The following SPATA1 variants were observed in gnomAD, a reference collection of about 807,000 sequenced individuals.
SPATA1 encodes the protein spermatogenesis-associated protein 1.
A neutral mutation model predicts 59.6 loss-of-function variants in SPATA1; 57 were observed. The ratio of observed to expected loss-of-function variants is 0.96; its 90% CI spans 0.77 to 1.19. SPATA1 has a LOEUF of 1.19. Ranked by LOEUF, SPATA1 falls within the 50% of genes most tolerant of loss-of-function variation. The probability of loss-of-function intolerance (pLI) is 0.00; values close to 1 mark genes in which losing one functional copy is unlikely to be tolerated. For synonymous variants in SPATA1, 147 were observed against 163.9 expected, an observed-to-expected ratio of 0.90 and a Z score of 0.79; for missense variants, 448 against 480.7, an observed-to-expected ratio of 0.93 and a Z score of 0.64.
At chr1:84,519,455 T>A (rs1184877174) in intron 2 of SPATA1, among the ~76,000 whole-genome samples, 4 of 152,050 alleles carry the variant, frequency 2.6e-5, no homozygotes, top group Non-Finnish European at 5.9e-5. Context: ...ATGTCTTTTT[T>A]AAGAAGCATA....
At chr1:84,544,138 C>A in intron 8 of SPATA1, 64 bp from the exon 9 acceptor site, 1 of 1,078,944 alleles carries the variant, frequency 9.3e-7, no homozygotes, top group Non-Finnish European at 1.4e-6. Context: ...CAAATACCTA[C>A]GGGCAAGTGA....
At chr1:84,557,622 G>T (rs1381417861), downstream of SPATA1, among the ~76,000 whole-genome samples, 1 of 150,312 alleles carries the variant, frequency 6.7e-6, no homozygotes, top group Non-Finnish European at 1.5e-5. Flanking sequence ...TTGGGAGGCC[G>T]AGATGGGCAG....
intron 8 of SPATA1, among the ~76,000 whole-genome samples, chr1:84,542,126 A>G (rs6576715): frequency 0.46 from 69,149 of 151,650 alleles, 17,692 homozygotes; most frequent in African/African-American, 0.7. Flanking sequence ...ACCACACCCG[A>G]CTAAGTTTTG....
At position 84,520,685 on chromosome 1, in the gene SPATA1, TTCTAAGGCAA is replaced by T. The variant is rs751407508; in HGVS notation, c.138_143+4del. 1.3e-6 allele frequency: 2 copies of T among 1,553,296 alleles called. No homozygotes were observed. The highest frequency in any genetic ancestry group is 2.4e-5 in the South Asian group (2 of 82,130). On this transcript the variant is annotated splice_donor_variant and splice_donor_region_variant and coding_sequence_variant and intron_variant, in exon 3 of 13. Transcript: ENST00000490879. LOFTEE classifies it high-confidence loss of function. ...GTTAACAAATTCATTTCAGCTGGAT[TTCTAAGGCAA>T]GTGTTGTGTAGTCATGTAACAATAT...
At chr1:84,533,900 T>G in intron 8 of SPATA1, 134 bp downstream of exon 8, 2 of 553,736 alleles carry the variant, frequency 3.6e-6, no homozygotes, top group East Asian at 3.4e-5. Context: ...TAATCAATAG[T>G]AGTCCAATTT....
At chr1:84,540,650 A>C (rs1011725917) in intron 8 of SPATA1, among the ~76,000 whole-genome samples, 1 of 152,196 alleles carries the variant, frequency 6.6e-6, no homozygotes, top group Non-Finnish European at 1.5e-5. Context: ...TTCAACACTT[A>C]ACTGCCAATT....
chr1:84,562,302 C>A lies in SPATA1; in HGVS notation n.443-3559C>A, dbSNP rs116201722. Among the ~76,000 whole-genome samples the A allele has an allele frequency of 3.5e-3, 530 of 152,288 alleles. 1 individual carries two copies. Among genetic ancestry groups the A allele is most frequent in the Non-Finnish European group, 5.5e-3 (377 of 68,030 alleles). ...TTCCCAGGACAGACTAATATAAACA[C>A]TGTTTAGGAAAGATAAGATTACAAT... On this transcript the variant is annotated intron_variant and non_coding_transcript_variant, in intron 4 of 4. Coordinates refer to the SPATA1 transcript ENST00000460286.
intron 6 of SPATA1, among the ~76,000 whole-genome samples, chr1:84,529,527 A>G (rs1351362529): frequency 6.6e-6 from 1 of 151,720 alleles, no homozygotes. Flanking sequence ...ATTTTAGAGA[A>G]TAAATTTATA....
exon 12 of SPATA1, chr1:84,550,525 G>A (rs1684238677): frequency 6.5e-7 from 1 of 1,528,778 alleles, no homozygotes; most frequent in Non-Finnish European, 8.8e-7. Context: ...CATAGTAGAA[G>A]TTAAGGTAAT....
chr1:84,519,947 T>C (rs1682949984), intron 2 of SPATA1, among the ~76,000 whole-genome samples: 1 of 152,168 alleles, frequency 6.6e-6, no homozygotes, highest in Non-Finnish European at 1.5e-5. Flanking sequence ...TCTGTTGTGG[T>C]TATATAAATA....
chr1:84,541,044 T>G (rs1469631940), intron 8 of SPATA1, among the ~76,000 whole-genome samples: 1 of 152,252 alleles, frequency 6.6e-6, no homozygotes, highest in Non-Finnish European at 1.5e-5. Flanking sequence ...AACGTTGCAC[T>G]ACTGATGTCT....
At chr1:84,566,145 G>T in exon 5 of SPATA1, 1 of 424,328 alleles carries the variant, frequency 2.4e-6, no homozygotes, top group Non-Finnish European at 3.9e-6. Flanking sequence ...ATGAATGTAG[G>T]GTTTGACACA....
chr1:84,556,420 G>C (rs1380085424), downstream of SPATA1, among the ~76,000 whole-genome samples: 1 of 152,082 alleles, frequency 6.6e-6, no homozygotes, highest in Non-Finnish European at 1.5e-5. Flanking sequence ...CTCTTAAGAT[G>C]ACCACTTTGG....
intron 8 of SPATA1, among the ~76,000 whole-genome samples, chr1:84,541,464 C>CTTTTTTTTTTTT (rs1266309414): frequency 6.6e-6 from 1 of 151,500 alleles, no homozygotes; most frequent in African/African-American, 2.4e-5. Flanking sequence ...GTTTTTCTTA[C>CTTTTTTTTTTTT]TATATTTTTG....
At chr1:84,522,591 C>A in intron 4 of SPATA1, 84 bp downstream of exon 4, 2 of 576,730 alleles carry the variant, frequency 3.5e-6, no homozygotes, top group Non-Finnish European at 5.7e-6. Context: ...CAACTCAGCT[C>A]CTTAAGATAT....
At chr1:84,558,639 A>G (rs555315665), downstream of SPATA1, among the ~76,000 whole-genome samples, 32 of 150,802 alleles carry the variant, frequency 2.1e-4, no homozygotes, top group African/African-American at 2.7e-4. Context: ...AGTGGCTCAC[A>G]CCTGTAATCC....
intron 6 of SPATA1, among the ~76,000 whole-genome samples, chr1:84,531,476 C>G (rs1251786083): frequency 2.6e-5 from 4 of 151,438 alleles, no homozygotes; most frequent in Non-Finnish European, 4.4e-5. Flanking sequence ...GTTTGTTGTT[C>G]TTAAGTGACA....
Position 84,516,377 on chromosome 1 carries a change from TC to T in SPATA1, c.19del (p.Arg7AspfsTer24). The T allele has an allele frequency of 2.0e-6, 3 of 1,513,362 alleles. No homozygotes were observed. Among genetic ancestry groups the T allele is most frequent in the Non-Finnish European group, 2.6e-6 (3 of 1,135,278 alleles). 93.7% of individuals were successfully genotyped at this position (1,513,362 alleles called of 1,614,324 possible). A position where few individuals can be genotyped will look rare whatever the true frequency, so the allele number is the denominator to read the frequency against. On this transcript the variant is annotated frameshift_variant, in exon 2 of 13. Coordinates refer to ENST00000490879, the Ensembl canonical transcript of SPATA1. LOFTEE classifies it high-confidence loss of function. ...TAGTGAATATGTCACTCAATCCAAGTCGACCTTCCTCATCAGAGGTAAGAAA... is the reference window on the plus strand; with the variant it reads ...TAGTGAATATGTCACTCAATCCAAGTGACCTTCCTCATCAGAGGTAAGAAA...
At chr1:84,509,222 AC>A (rs1201310109) in intron 1 of SPATA1, among the ~76,000 whole-genome samples, 2 of 151,922 alleles carry the variant, frequency 1.3e-5, no homozygotes, top group Admixed American at 6.6e-5. Context: ...AAAAAAAAAA[AC>A]ATAGACCAGT....
Sources: allele counts gnomAD v4.1 joint callset (sites outside exome capture counted in the v4.1 genomes callset), GRCh38; gene constraint gnomAD v4.1.1; transcripts MANE v1.5; gene names NCBI Gene and HGNC (gene_info 2026-07-23, HGNC 2026-07-21).